The following PRC1 variants were observed in gnomAD, a reference collection of about 807,000 sequenced individuals.
PRC1 encodes the protein protein regulator of cytokinesis 1.
A neutral mutation model predicts 91.2 loss-of-function variants in PRC1; 54 were observed. The ratio of observed to expected loss-of-function variants is 0.59; its 90% CI spans 0.48 to 0.74. The LOEUF (loss-of-function observed/expected upper bound fraction) is 0.74. PRC1 is among the 30% of genes least tolerant of loss of function. The pLI, the probability that PRC1 is intolerant of heterozygous loss-of-function variation, is 0.00. For synonymous variants in PRC1, 275 were observed against 263.6 expected, an observed-to-expected ratio of 1.04 and a Z score of -0.42; for missense variants, 727 against 746.2, an observed-to-expected ratio of 0.97 and a Z score of 0.30.
chr15:90,982,072 C>T (rs748486052), intron 3 of PRC1, 91 bp from the exon 4 acceptor site: 3 of 1,196,514 alleles, frequency 2.5e-6, no homozygotes, highest in Non-Finnish European at 3.6e-6. Context: ...GGATGACAGA[C>T]TTTCAGTTAA....
Position 90,979,152 on chromosome 15 carries a change from CAATACCTCAAACTCTAAGAA to C in PRC1, c.1093_1107+5del. 6.2e-7 allele frequency: 1 copy of C among 1,612,140 alleles called. No individual in the cohort carries two copies. The highest frequency in any genetic ancestry group is 8.5e-7 in the Non-Finnish European group (1 of 1,179,336). Reference sequence around the variant, plus strand: ...ACAGTTAAAAACACAAAAACTAGGACAATACCTCAAACTCTAAGAAAAGCCTCCAGGTTTCTTCCCACTTC... The same window carrying C: ...ACAGTTAAAAACACAAAAACTAGGACAAGCCTCCAGGTTTCTTCCCACTTC... On this transcript the variant is annotated splice_donor_variant and splice_donor_5th_base_variant and coding_sequence_variant and intron_variant, in exon 8 of 15. Transcript: ENST00000394249. LOFTEE classifies it high-confidence loss of function.
rs1287104662 is a variant in PRC1 at position 90,974,594 on chromosome 15, C to G, written c.1341G>C (p.Lys447Asn). The change falls in exon 10 of 15, where the codon AAG (lysine) becomes AAC (asparagine). Residue 447 changes from lysine (K) to asparagine (N), a missense_variant. Physicochemically the swap from Lys to Asn is moderately conservative, Grantham distance 94. Coordinates refer to ENST00000394249, the MANE Select transcript of PRC1 (RefSeq NM_003981.4). This position sits in a 1 kb window ranked among gnomAD's most constrained non-coding sequence, Gnocchi z 4.6. ...EMHRLEKERA[K>N]QERQLKNKKQ... ...TCACGTTCACACTTACTCTTTCCTG[C>G]TTGGCTCTCTCTTTCTCCAATCGAT... 6.2e-7 allele frequency: 1 copy of G among 1,614,184 alleles called. No individual in the cohort carries two copies. Among genetic ancestry groups the G allele is most frequent in the Admixed American group, 1.7e-5 (1 of 60,012 alleles).
intron 1 of PRC1, among the ~76,000 whole-genome samples, chr15:90,992,462 C>A (rs1009195725): frequency 7.9e-5 from 12 of 151,970 alleles, no homozygotes; most frequent in African/African-American, 2.9e-4. Context: ...CTATGTTGCC[C>A]AGGCTGGTCT....
chr15:90,980,870 A>G lies in PRC1; in HGVS notation c.822+14T>C. On this transcript the variant is annotated intron_variant, in intron 6 of 14. Transcript: ENST00000394249. ...AGAGAAGACTGCTGACCCAGTACCCACTGGGTTTCTTACCGCTTTCCGGAC... is the reference window on the plus strand; with the variant it reads ...AGAGAAGACTGCTGACCCAGTACCCGCTGGGTTTCTTACCGCTTTCCGGAC... 1 of 1,614,114 alleles carries G rather than the reference A, an allele frequency of 6.2e-7. No homozygotes were observed. Among genetic ancestry groups the G allele is most frequent in the Non-Finnish European group, 8.5e-7 (1 of 1,180,004 alleles).
chr15:90,975,817 C>T (rs530117716), intron 9 of PRC1, among the ~76,000 whole-genome samples: 12 of 152,130 alleles, frequency 7.9e-5, no homozygotes, highest in Non-Finnish European at 1.8e-4. Flanking sequence ...GACCCCATCT[C>T]TTGCGGGGGG....
rs767805068 is a variant in PRC1 at position 90,980,933 on chromosome 15, T to C, written c.773A>G (p.Glu258Gly). 8 of 1,614,070 alleles carry C rather than the reference T, an allele frequency of 5.0e-6. No homozygotes were observed. The highest frequency in any genetic ancestry group is 6.8e-6 in the Non-Finnish European group (8 of 1,180,026). ...DRLQIPEEER[E>G]AVATIMSGSK... is the part of the protein sequence containing the mutation. Reference sequence around the variant, plus strand: ...CCCAGACATAATGGTGGCCACAGCTTCTCTTTCTTCTTCAGGTATTTGCAA... The same window carrying C: ...CCCAGACATAATGGTGGCCACAGCTCCTCTTTCTTCTTCAGGTATTTGCAA... Residue 258 changes from glutamate to glycine, a missense_variant, in exon 6 of 15, where the codon GAA (glutamate) becomes GGA (glycine). Physicochemically the swap from Glu to Gly is moderately conservative, Grantham distance 98. Coordinates refer to ENST00000394249, the MANE Select transcript of PRC1 (RefSeq NM_003981.4).
rs1425217407 is a variant in PRC1 at position 90,984,681 on chromosome 15, T to C, written c.144+12A>G. On this transcript the variant is annotated intron_variant, in intron 2 of 14. Transcript: ENST00000394249. This position sits in a 1 kb window ranked among gnomAD's most constrained non-coding sequence, Gnocchi z 5.1. ...CCTGGTCCAATGCAGAGACCAGTAC[T>C]ATTCAACCCACCTTGATATGCTTCT... The C allele has an allele frequency of 6.2e-7, 1 of 1,614,130 alleles. No homozygotes were observed.
chr15:90,994,323 G>A, intron 1 of PRC1, 84 bp downstream of exon 1: 2 of 1,592,924 alleles, frequency 1.3e-6, no homozygotes, highest in Non-Finnish European at 1.7e-6. Flanking sequence ...GACCCCGCAC[G>A]GGTCCCGCAC....
chr15:90,984,135 G>T lies in PRC1; in HGVS notation c.150C>A (p.Leu50=). The T allele has an allele frequency of 6.2e-7, 1 of 1,614,064 alleles. No individual in the cohort carries two copies. The highest frequency in any genetic ancestry group is 1.1e-5 in the South Asian group (1 of 91,074). Residue 50 remains leucine, a synonymous_variant, in exon 3 of 15, where the codon CTC becomes CTA. Transcript: ENST00000394249. This position sits in a 1 kb window ranked among gnomAD's most constrained non-coding sequence, Gnocchi z 5.1. ...TEVVKKHIKE[L]LDMMIAEEES... ...CCTCTTCAGCAATCATCATATCCAG[G>T]AGTTCCTACAAGAGGGAAAACAGTC...
At chr15:90,982,466 C>T (rs1185183503) in intron 3 of PRC1, among the ~76,000 whole-genome samples, 2 of 152,086 alleles carry the variant, frequency 1.3e-5, no homozygotes, top group Non-Finnish European at 2.9e-5. Context: ...TGTAAATTGG[C>T]AGCCAGGCAC....
At chr15:90,968,554 C>CT in intron 14 of PRC1, 1 of 990,292 alleles carries the variant, frequency 1.0e-6, no homozygotes, top group Non-Finnish European at 1.2e-6. Context: ...TCTGGAAAAA[C>CT]TTGCTTCCAG....
intron 1 of PRC1, among the ~76,000 whole-genome samples, chr15:90,992,741 A>C (rs1042690380): frequency 1.3e-5 from 2 of 152,148 alleles, no homozygotes; most frequent in Non-Finnish European, 2.9e-5. Flanking sequence ...AAAAATCAAG[A>C]GTGCATACAA....
chr15:90,974,646 T>A lies in PRC1; in HGVS notation c.1289A>T (p.Glu430Val), dbSNP rs2038512154. 1 of 1,614,210 alleles carries A rather than the reference T, an allele frequency of 6.2e-7. No individual in the cohort carries two copies. The highest frequency in any genetic ancestry group is 1.6e-4 in the Middle Eastern group (1 of 6,062). Residue 430 changes from glutamate (E) to valine (V), a missense_variant, in exon 10 of 15, where the codon GAG becomes GTG. By Grantham distance (121) the Glu-to-Val change is moderately radical. Transcript: ENST00000394249. The surrounding 1 kb of genome is among the most constrained non-coding windows in gnomAD (Gnocchi z 4.6). ...CATCTCCCATTGTTCTGCCACATAC[T>A]CCATGAATTTCTGCCCATTCACCAT... ...AFMVNGQKFM[E>V]YVAEQWEMHR... is the part of the protein sequence containing the mutation.
intron 11 of PRC1, among the ~76,000 whole-genome samples, chr15:90,971,586 C>CTTTT (rs34967462): frequency 4.9e-5 from 7 of 144,120 alleles, no homozygotes; most frequent in Non-Finnish European, 1.1e-4. Context: ...CCAGCCAACA[C>CTTTT]TTTTTTTTTT....
chr15:90,983,862 G>T, intron 3 of PRC1, 156 bp downstream of exon 3: 3 of 978,854 alleles, frequency 3.1e-6, no homozygotes, highest in East Asian at 2.5e-5. Context: ...GAATTACTCT[G>T]CTGGGCCTAA....
chr15:90,971,452 A>C (rs1230085770), intron 11 of PRC1, among the ~76,000 whole-genome samples: 1 of 152,022 alleles, frequency 6.6e-6, no homozygotes, highest in African/African-American at 2.4e-5. Flanking sequence ...CAACCAGCTA[A>C]TTTTTGTATT....
intron 8 of PRC1, 26 bp from the exon 9 acceptor site, chr15:90,976,797 T>A: frequency 6.4e-7 from 1 of 1,564,866 alleles, no homozygotes; most frequent in Non-Finnish European, 8.8e-7. Context: ...TTTTAATTAG[T>A]GGAAAACCTG....
At chr15:90,971,106 CTA>C (rs2038083038) in intron 11 of PRC1, among the ~76,000 whole-genome samples, 1 of 152,194 alleles carries the variant, frequency 6.6e-6, no homozygotes, top group African/African-American at 2.4e-5. Context: ...TAGTTAAAGA[CTA>C]AATCCCTACT....
intron 14 of PRC1, chr15:90,967,447 C>A (rs567271936): frequency 2.8e-5 from 15 of 536,150 alleles, no homozygotes; most frequent in African/African-American, 2.5e-4. Context: ...CATTCTGTTA[C>A]ACCTCACAGA....
Sources: allele counts gnomAD v4.1 joint callset (sites outside exome capture counted in the v4.1 genomes callset), GRCh38; gene constraint gnomAD v4.1.1; non-coding constraint Gnocchi (gnomAD v3.1); transcripts MANE v1.5; gene names NCBI Gene and HGNC (gene_info 2026-07-23, HGNC 2026-07-21).